LRBA: variants seen among roughly 807,000 people sequenced by gnomAD.
The protein encoded by LRBA is lipopolysaccharide-responsive and beige-like anchor protein.
A neutral mutation model predicts 330.0 loss-of-function variants in LRBA; 176 were observed. The observed-to-expected ratio is 0.53, with a 90% confidence interval of 0.47 to 0.60. The LOEUF (loss-of-function observed/expected upper bound fraction) is 0.60. Among genes scored for constraint, LRBA ranks in the 20% least tolerant of loss-of-function variants. LRBA has a pLI of 0.00. For missense variants in LRBA, 3,259 were observed against 3,444.8 expected (o/e 0.95, Z 1.35); for synonymous variants, 1,230 against 1,193.0 (o/e 1.03, Z -0.64).
intron 2 of LRBA, among the ~76,000 whole-genome samples, chr4:150,984,872 A>G (rs1358914928): frequency 6.6e-6 from 1 of 152,230 alleles, no homozygotes; most frequent in East Asian, 1.9e-4. Context: ...AAAAACATAC[A>G]TATCACAAAA....
intron 37 of LRBA, among the ~76,000 whole-genome samples, chr4:150,616,068 G>A (rs188237384): frequency 2.0e-5 from 3 of 152,262 alleles, no homozygotes; most frequent in Non-Finnish European, 4.4e-5. Flanking sequence ...CTGAGATTTG[G>A]AATCTATCCA....
intron 34 of LRBA, among the ~76,000 whole-genome samples, chr4:150,767,265 A>AT (rs747452952): frequency 6.6e-5 from 10 of 152,200 alleles, no homozygotes; most frequent in Non-Finnish European, 8.8e-5. Flanking sequence ...CCTAGAACGT[A>AT]TTTTAGTGAC....
At chr4:150,804,709 G>A (rs1001038607) in intron 33 of LRBA, among the ~76,000 whole-genome samples, 22 of 151,960 alleles carry the variant, frequency 1.4e-4, no homozygotes, top group African/African-American at 5.3e-4. Flanking sequence ...CATCAATCAC[G>A]GGCCCAAAAA....
intron 37 of LRBA, among the ~76,000 whole-genome samples, chr4:150,603,202 T>C (rs1237187966): frequency 6.6e-6 from 1 of 152,202 alleles, no homozygotes; most frequent in Non-Finnish European, 1.5e-5. Flanking sequence ...ACTAAAGTCT[T>C]TGACTGGTGG....
At chr4:150,918,147 A>C (rs1027192867) in intron 5 of LRBA, among the ~76,000 whole-genome samples, 1 of 152,154 alleles carries the variant, frequency 6.6e-6, no homozygotes, top group African/African-American at 2.4e-5. Context: ...CCTGTGCTTT[A>C]AGGAACACCA....
intron 36 of LRBA, among the ~76,000 whole-genome samples, chr4:150,708,763 C>T (rs1432790774): frequency 6.6e-6 from 1 of 151,696 alleles, no homozygotes; most frequent in East Asian, 1.9e-4. Context: ...AGCCAGCTGG[C>T]ATTTTATAAC....
At chr4:150,764,390 T>C (rs1174532335) in intron 34 of LRBA, among the ~76,000 whole-genome samples, 4 of 152,098 alleles carry the variant, frequency 2.6e-5, no homozygotes, top group Middle Eastern at 3.4e-3. Context: ...ATCATCTATA[T>C]AGAAAATCTT....
chr4:151,003,814 C>A (rs1743689209), intron 2 of LRBA, among the ~76,000 whole-genome samples: 1 of 151,164 alleles, frequency 6.6e-6, no homozygotes, highest in South Asian at 2.1e-4. Context: ...AAAGAAAAAA[C>A]CAACACATAG....
At chr4:150,570,353 A>G (rs1769687037) in intron 40 of LRBA, among the ~76,000 whole-genome samples, 1 of 152,146 alleles carries the variant, frequency 6.6e-6, no homozygotes, top group African/African-American at 2.4e-5. Flanking sequence ...CATAATCGAC[A>G]GTTACATGCA....
chr4:150,498,580 T>C (rs977707504), intron 40 of LRBA, among the ~76,000 whole-genome samples: 1 of 152,206 alleles, frequency 6.6e-6, no homozygotes, highest in Non-Finnish European at 1.5e-5. Context: ...ATATATTTTA[T>C]ATCTTTTTCA....
At chr4:150,734,198 A>G (rs2127138193) in intron 36 of LRBA, among the ~76,000 whole-genome samples, 1 of 152,036 alleles carries the variant, frequency 6.6e-6, no homozygotes. Flanking sequence ...CTTTTTTTCT[A>G]CCTTTACTGA....
chr4:150,716,591 C>T (rs1728232215), intron 36 of LRBA, among the ~76,000 whole-genome samples: 2 of 151,980 alleles, frequency 1.3e-5, no homozygotes, highest in African/African-American at 4.8e-5. Context: ...TTAAAAAATA[C>T]TTCATTTTTA....
At position 150,348,567 on chromosome 4, in the gene LRBA, T is replaced by C. The variant is rs531599079; in HGVS notation, c.7362+1425A>G. Among the ~76,000 whole-genome samples, 29 of 152,312 alleles carry C rather than the reference T, an allele frequency of 1.9e-4. No homozygotes were observed. The South Asian group carries it at 6.0e-3, about 32-fold the overall frequency. On this transcript the variant is annotated intron_variant, in intron 48 of 56. Coordinates refer to ENST00000651943, the MANE Select transcript of LRBA (RefSeq NM_001364905.1). ...TGGTACAAAAAACAATATGCTGGTA[T>C]ATTAAATACAACCAATCTCTTTTTA...
intron 2 of LRBA, among the ~76,000 whole-genome samples, chr4:150,986,681 A>G (rs186974376): frequency 2.6e-5 from 4 of 152,274 alleles, no homozygotes; most frequent in African/African-American, 9.6e-5. Flanking sequence ...TAGCAAACGT[A>G]CCATAAAAAC....
intron 34 of LRBA, among the ~76,000 whole-genome samples, chr4:150,776,649 C>G (rs2126563704): frequency 6.6e-6 from 1 of 152,076 alleles, no homozygotes; most frequent in East Asian, 1.9e-4. Flanking sequence ...CCCATCTCTA[C>G]TGAAAATACA....
At chr4:150,869,831 G>A (rs1042989880) in intron 20 of LRBA, among the ~76,000 whole-genome samples, 20 of 152,292 alleles carry the variant, frequency 1.3e-4, no homozygotes, top group African/African-American at 4.8e-4. Flanking sequence ...GAGGTGGGAA[G>A]ATTGCTTGAG....
chr4:150,693,083 C>T lies in LRBA; in HGVS notation c.5755-9366G>A, dbSNP rs941791221. ...GGAATAGCTAAAAATTGGAAATAAT[C>T]CAATTACCTATCAACAGTAGAAAGA... On this transcript the variant is annotated intron_variant, in intron 36 of 56. Coordinates refer to ENST00000651943, the MANE Select transcript of LRBA (RefSeq NM_001364905.1). Among the ~76,000 whole-genome samples the T allele has an allele frequency of 2.8e-4, 42 of 151,980 alleles. 1 individual carries two copies. Among genetic ancestry groups the T allele is most frequent in the South Asian group, 4.2e-4 (2 of 4,812 alleles).
chr4:150,692,600 A>G (rs910528671), intron 36 of LRBA, among the ~76,000 whole-genome samples: 2 of 152,212 alleles, frequency 1.3e-5, no homozygotes, highest in Non-Finnish European at 2.9e-5. Context: ...AGGCTCATAT[A>G]GCAAATAGGT....
intron 37 of LRBA, among the ~76,000 whole-genome samples, chr4:150,659,133 C>T (rs1327189772): frequency 2.9e-5 from 4 of 137,120 alleles, no homozygotes; most frequent in Admixed American, 7.4e-5. Flanking sequence ...TCTGCCCGGC[C>T]GCCACCCCGT....
Sources: gnomAD v4.1 joint callset for allele counts (sites outside exome capture counted in the v4.1 genomes callset) on GRCh38, gnomAD v4.1.1 for gene constraint, MANE v1.5 for transcripts, NCBI Gene and HGNC (gene_info 2026-07-23, HGNC 2026-07-21) for gene names.